The following CCDC186 variants were observed in gnomAD, a reference collection of about 807,000 sequenced individuals.
The protein encoded by CCDC186 is coiled-coil domain-containing protein 186.
Under a neutral mutation model 113.7 loss-of-function variants are expected in CCDC186, and 49 were observed. The ratio of observed to expected loss-of-function variants is 0.43; its 90% CI spans 0.34 to 0.55. The LOEUF (loss-of-function observed/expected upper bound fraction) is 0.55, where lower values mean the gene tolerates loss of function less well. Ranked by LOEUF, CCDC186 falls within the 20% of genes least tolerant of loss-of-function variation. The probability of loss-of-function intolerance (pLI) is 0.02; values close to 1 mark genes in which losing one functional copy is unlikely to be tolerated. For synonymous variants in CCDC186, 355 were observed against 345.8 expected (o/e 1.03, Z -0.30); for missense variants, 890 against 1,011.1 (o/e 0.88, Z 1.62).
At chr10:114,143,103 C>A (rs1449785168) in intron 6 of CCDC186, among the ~76,000 whole-genome samples, 1 of 152,208 alleles carries the variant, frequency 6.6e-6, no homozygotes, top group Non-Finnish European at 1.5e-5. Flanking sequence ...TTTCTACATA[C>A]CAAGTCAATA....
chr10:114,159,023 G>T (rs1340950367), intron 2 of CCDC186, among the ~76,000 whole-genome samples: 6 of 152,166 alleles, frequency 3.9e-5, no homozygotes, highest in African/African-American at 2.4e-5. Context: ...GAAAAATAAA[G>T]GAGAGCGAAA....
chr10:114,145,535 G>T lies in CCDC186; in HGVS notation c.1101+14C>A. 1.9e-6 allele frequency: 3 copies of T among 1,562,118 alleles called. No individual in the cohort carries two copies. The highest frequency in any genetic ancestry group is 2.6e-6 in the Non-Finnish European group (3 of 1,159,762). ...CAAATAAGGTCAACATATTTCAAAT[G>T]GCACAAGTTATACCTTAGTTTCATA... On this transcript the variant is annotated intron_variant, in intron 5 of 15. Transcript: ENST00000369287.
At chr10:114,132,908 T>C (rs181074654) in intron 10 of CCDC186, among the ~76,000 whole-genome samples, 5 of 152,188 alleles carry the variant, frequency 3.3e-5, no homozygotes, top group African/African-American at 4.8e-5. Context: ...AAACAATCCA[T>C]AAACATCTGT....
intron 2 of CCDC186, among the ~76,000 whole-genome samples, chr10:114,158,511 T>C (rs1158639438): frequency 1.3e-5 from 2 of 152,014 alleles, no homozygotes; most frequent in African/African-American, 2.4e-5. Context: ...TCATTTAGTA[T>C]TCAAAATAAG....
intron 1 of CCDC186, among the ~76,000 whole-genome samples, chr10:114,166,759 G>T (rs997000430): frequency 9.2e-5 from 14 of 152,200 alleles, no homozygotes; most frequent in African/African-American, 2.7e-4. Context: ...AAAACAGGTT[G>T]TAAGATGACA....
At chr10:114,160,720 T>C (rs953914842) in intron 2 of CCDC186, among the ~76,000 whole-genome samples, 3 of 152,186 alleles carry the variant, frequency 2.0e-5, no homozygotes, top group African/African-American at 4.8e-5. Context: ...TGGAAATAGA[T>C]GCATTCATTA....
chr10:114,150,135 A>G (rs1423202515), intron 4 of CCDC186, among the ~76,000 whole-genome samples: 1 of 152,210 alleles, frequency 6.6e-6, no homozygotes, highest in Non-Finnish European at 1.5e-5. Context: ...TTCGGGGTAG[A>G]AAGGGTGGGA....
intron 1 of CCDC186, among the ~76,000 whole-genome samples, chr10:114,170,026 T>C (rs1349624734): frequency 2.0e-5 from 3 of 152,270 alleles, no homozygotes; most frequent in Admixed American, 6.5e-5. Flanking sequence ...GCCTCCCAAG[T>C]AGATAAGACT....
rs768379757 is a variant in CCDC186 at position 114,162,757 on chromosome 10, A to G, written c.512T>C (p.Leu171Ser). Residue 171 changes from leucine (L) to serine (S), a missense_variant, in exon 2 of 16, where the codon TTA (leucine) becomes TCA (serine). Coordinates refer to ENST00000369287, the MANE Select transcript of CCDC186 (RefSeq NM_018017.4). ...TCGATGTTCTGCAAACTCCGTAGAT[A>G]AGAGCTCAGATTCTATTTCTTCCAA... ...DLLEEIESEL[L>S]STEFAEHRVP... 2 of 1,613,818 alleles carry G rather than the reference A, an allele frequency of 1.2e-6. No individual in the cohort carries two copies. Among genetic ancestry groups the G allele is most frequent in the Admixed American group, 3.3e-5 (2 of 59,990 alleles).
chr10:114,144,426 A>AAAAAAC (rs1554927176), intron 6 of CCDC186, 71 bp downstream of exon 6: 47 of 1,539,876 alleles, frequency 3.1e-5, no homozygotes, highest in East Asian at 1.6e-4. Context: ...CGTCTCAAAA[A>AAAAAAC]AAAAACAAAA....
At chr10:114,169,261 T>TAA (rs1349087015) in intron 1 of CCDC186, among the ~76,000 whole-genome samples, 3 of 146,212 alleles carry the variant, frequency 2.1e-5, no homozygotes, top group Non-Finnish European at 4.5e-5. Flanking sequence ...TTTTTTTTCT[T>TAA]AAAAATGGAG....
chr10:114,134,486 G>C (rs1273251218), intron 10 of CCDC186, among the ~76,000 whole-genome samples: 1 of 152,188 alleles, frequency 6.6e-6, no homozygotes, highest in African/African-American at 2.4e-5. Flanking sequence ...TCCAGGTTCT[G>C]TCTGGTAATG....
In CCDC186 at chr10:114,121,070, T is replaced by C. The variant is rs545135059; in HGVS notation, c.*4073A>G. ...AGTCAAAATGGATAGCGATTTGCATTTTAGAAAAAGAATTCCATTCCAGAA... is the reference window on the plus strand; with the variant it reads ...AGTCAAAATGGATAGCGATTTGCATCTTAGAAAAAGAATTCCATTCCAGAA... On this transcript the variant is annotated 3_prime_UTR_variant, in exon 16 of 16. Transcript: ENST00000369287. 6.6e-6 allele frequency: 1 copy of C among 152,288 alleles called. No homozygotes were observed. Among genetic ancestry groups the C allele is most frequent in the Non-Finnish European group, 1.5e-5 (1 of 68,006 alleles). 9.4% of individuals were successfully genotyped at this position (152,288 alleles called of 1,614,324 possible). A position where few individuals can be genotyped will look rare whatever the true frequency, so the allele number is the denominator to read the frequency against.
At chr10:114,165,686 T>C (rs2032315343) in intron 1 of CCDC186, among the ~76,000 whole-genome samples, 1 of 151,446 alleles carries the variant, frequency 6.6e-6, no homozygotes, top group Admixed American at 6.6e-5. Flanking sequence ...CGAGACTCTG[T>C]CTCAAAAAAA....
At chr10:114,135,738 T>C (rs1564907241) in intron 9 of CCDC186, among the ~76,000 whole-genome samples, 153 bp downstream of exon 9, 1 of 152,168 alleles carries the variant, frequency 6.6e-6, no homozygotes, top group Admixed American at 6.5e-5. Flanking sequence ...ACAAAAGAAG[T>C]TGCTAGGAAA....
intron 3 of CCDC186, among the ~76,000 whole-genome samples, chr10:114,152,746 T>C (rs777864900): frequency 3.3e-5 from 5 of 152,140 alleles, no homozygotes; most frequent in Non-Finnish European, 7.4e-5. Context: ...ATGTTGTCTA[T>C]AGAAGGCATT....
At position 114,124,310 on chromosome 10, in the gene CCDC186, C is replaced by CGTAA. The variant is rs200274201; in HGVS notation, c.*832_*833insTTAC. ...TGGTTTCTTTTGGAAGCTGGTTCTT[C>CGTAA]ATATTATCTTTACACAAGGTCAGTA... On this transcript the variant is annotated 3_prime_UTR_variant, in exon 16 of 16. Transcript: ENST00000369287. 1.1e-4 allele frequency: 12 copies of CGTAA among 110,838 alleles called. No homozygotes were observed. In the South Asian group the frequency reaches 2.3e-3, roughly 21 times the overall value. The allele number at this position is 110,838 out of a possible 1,614,324, so 6.9% of individuals were successfully genotyped here.
chr10:114,133,674 C>T (rs2031164593), intron 10 of CCDC186, among the ~76,000 whole-genome samples: 2 of 152,092 alleles, frequency 1.3e-5, no homozygotes, highest in Admixed American at 6.5e-5. Context: ...CAACTGAATT[C>T]GACAGTGTTA....
Position 114,162,760 on chromosome 10 carries a change from A to G in CCDC186, c.509T>C (p.Leu170Pro), listed in dbSNP as rs1033657055. 1.2e-5 allele frequency: 20 copies of G among 1,613,774 alleles called. No homozygotes were observed. The highest frequency in any genetic ancestry group is 1.7e-5 in the Non-Finnish European group (20 of 1,179,892). Residue 170 changes from leucine to proline, a missense_variant, in exon 2 of 16, where the codon CTC becomes CCC. Leu to Pro is a moderately conservative substitution (Grantham distance 98). Coordinates refer to ENST00000369287, the MANE Select transcript of CCDC186 (RefSeq NM_018017.4). ...ATGTTCTGCAAACTCCGTAGATAAG[A>G]GCTCAGATTCTATTTCTTCCAACAA... is the stretch of plus-strand genomic sequence containing the variant. ...EDLLEEIESE[L>P]LSTEFAEHRV...
Sources: gnomAD v4.1 joint callset for allele counts (sites outside exome capture counted in the v4.1 genomes callset) on GRCh38, gnomAD v4.1.1 for gene constraint, MANE v1.5 for transcripts, NCBI Gene and HGNC (gene_info 2026-07-23, HGNC 2026-07-21) for gene names.